ZSCAN25: variants seen among roughly 807,000 people sequenced by gnomAD.
ZSCAN25 encodes the protein zinc finger and SCAN domain containing 25.
Under a neutral mutation model 38.7 loss-of-function variants are expected in ZSCAN25, and 27 were observed. The ratio of observed to expected loss-of-function variants is 0.70; its 90% CI spans 0.51 to 0.96. The LOEUF (loss-of-function observed/expected upper bound fraction) is 0.96. Among genes scored for constraint, ZSCAN25 ranks in the 40% least tolerant of loss-of-function variants. The pLI is 0.00. For missense variants in ZSCAN25, 637 were observed against 705.9 expected (o/e 0.90, Z 1.11); for synonymous variants, 273 against 277.7 (o/e 0.98, Z 0.17).
the ZSCAN25 span, chr7:99,659,696 ACCT>A: frequency 2.6e-5 from 4 of 152,198 alleles, no homozygotes; most frequent in Non-Finnish European, 4.4e-5. Context: ...AGGCAGGCAG[ACCT>A]CCTTGAGCTG....
chr7:99,621,676 G>A (rs1443233434), intron 5 of ZSCAN25, 102 bp downstream of exon 5: 15 of 1,006,294 alleles, frequency 1.5e-5, no homozygotes, highest in Middle Eastern at 7.2e-4. Context: ...AGTTACCCAC[G>A]AGGTGTAATT....
At position 99,616,996 on chromosome 7, in the gene ZSCAN25, G is replaced by A. The variant is rs373468097; in HGVS notation, c.-279G>A. The A allele has an allele frequency of 5.3e-5, 8 of 152,374 alleles. No individual in the cohort carries two copies. The East Asian group carries it at 1.2e-3, about 22-fold the overall frequency. 9.4% of individuals were successfully genotyped at this position (152,374 alleles called of 1,614,324 possible). On this transcript the variant is annotated 5_prime_UTR_variant, in exon 1 of 8. Transcript: ENST00000394152. ...GCACTGGCGACCCTAGCGGGTGAGA[G>A]GCCCTTCAGGGCCGCGGCGGGTGAG...
chr7:99,723,889 G>GTTCCC, the ZSCAN25 span, among the ~76,000 whole-genome samples: 1 of 152,154 alleles, frequency 6.6e-6, no homozygotes, highest in Non-Finnish European at 1.5e-5. Flanking sequence ...GTCTTCCCTT[G>GTTCCC]GTGTCTAAAT....
At position 99,619,518 on chromosome 7, in the gene ZSCAN25, A is replaced by G; in HGVS notation, c.-46-43A>G. 7 of 1,427,762 alleles carry G rather than the reference A, an allele frequency of 4.9e-6. No individual in the cohort carries two copies. In the East Asian group the frequency reaches 1.1e-4, roughly 23 times the overall value. The allele number at this position is 1,427,762 out of a possible 1,614,324, so 88.4% of individuals were successfully genotyped here. A position where few individuals can be genotyped will look rare whatever the true frequency, so the allele number is the denominator to read the frequency against. ...GAATATTCCTTGATGTAGAGACAGA[A>G]CTGGGATGGGCTGACCTTTCATGTG... On this transcript the variant is annotated intron_variant, in intron 3 of 7. Coordinates refer to ENST00000394152, the MANE Select transcript of ZSCAN25 (RefSeq NM_145115.3).
chr7:99,636,030 G>C (rs189972302), downstream of ZSCAN25, among the ~76,000 whole-genome samples: 835 of 126,098 alleles, frequency 6.6e-3, 6 homozygotes, highest in African/African-American at 0.024. Context: ...CTGGGCAACA[G>C]AGCGAGACTC....
rs769859623 is a variant in ZSCAN25 at position 99,621,412 on chromosome 7, C to G, written c.427C>G (p.Leu143Val). Reference protein sequence around the residue: ...HRQGEQEETALCRGAWEPGIQ... With the variant: ...HRQGEQEETAVCRGAWEPGIQ... The stretch of plus-strand genomic sequence containing the variant: ...GCAGGGAGAGCAGGAGGAAACAGCA[C>G]TTTGCAGAGGCGCTTGGGAGCCAGG... The change falls in exon 5 of 8, where the codon CTT becomes GTT. Residue 143 changes from leucine to valine, a missense_variant. Transcript: ENST00000394152. The G allele has an allele frequency of 2.7e-6, 4 of 1,508,934 alleles. No homozygotes were observed. Among genetic ancestry groups the G allele is most frequent in the Non-Finnish European group, 3.6e-6 (4 of 1,120,002 alleles). 93.5% of individuals were successfully genotyped at this position (1,508,934 alleles called of 1,614,324 possible).
At chr7:99,660,245 T>TTTTTTTA in the ZSCAN25 span, 4 of 738,730 alleles carry the variant, frequency 5.4e-6, no homozygotes, top group Non-Finnish European at 6.5e-6. Context: ...TTTTTTTTTT[T>TTTTTTTA]ACTTAGCATT....
At chr7:99,721,791 A>G in the ZSCAN25 span, among the ~76,000 whole-genome samples, 1 of 152,130 alleles carries the variant, frequency 6.6e-6, no homozygotes, top group South Asian at 2.1e-4. Context: ...GTGTGATTAA[A>G]AACCTTGACA....
the ZSCAN25 span, among the ~76,000 whole-genome samples, chr7:99,704,595 A>G: frequency 6.6e-6 from 1 of 152,098 alleles, no homozygotes; most frequent in Non-Finnish European, 1.5e-5. Flanking sequence ...CTCATCAAAA[A>G]TGTCATAATT....
chr7:99,634,814 A>G (rs1414017961), downstream of ZSCAN25, among the ~76,000 whole-genome samples: 2 of 149,280 alleles, frequency 1.3e-5, no homozygotes, highest in Non-Finnish European at 3.0e-5. Flanking sequence ...AAACAAAACA[A>G]AATTAGCCAA....
At chr7:99,663,243 T>C in the ZSCAN25 span, 1 of 1,051,300 alleles carries the variant, frequency 9.5e-7, no homozygotes, top group Non-Finnish European at 1.1e-6. Flanking sequence ...TCTTCTACCT[T>C]TTTCTTCAGC....
At chr7:99,642,348 T>C in the ZSCAN25 span, among the ~76,000 whole-genome samples, 1 of 152,340 alleles carries the variant, frequency 6.6e-6, no homozygotes, top group African/African-American at 2.4e-5. Context: ...GCTGCAATGC[T>C]GGGAGGAACC....
intron 7 of ZSCAN25, among the ~76,000 whole-genome samples, chr7:99,628,202 A>G (rs569107737): frequency 1.3e-5 from 2 of 152,234 alleles, no homozygotes; most frequent in East Asian, 3.8e-4. Context: ...TTTTATTTTC[A>G]TGAAAAGTTT....
chr7:99,672,657 C>T, the ZSCAN25 span: 1 of 1,614,102 alleles, frequency 6.2e-7, no homozygotes, highest in Non-Finnish European at 8.5e-7. Flanking sequence ...ATGGCCAGCA[C>T]AGGGAGTTGA....
Position 99,629,453 on chromosome 7 carries a change from A to T in ZSCAN25, c.1068A>T (p.Gly356=), listed in dbSNP as rs1205575261. 1 of 1,614,188 alleles carries T rather than the reference A, an allele frequency of 6.2e-7. No individual in the cohort carries two copies. The highest frequency in any genetic ancestry group is 2.2e-5 in the East Asian group (1 of 44,872). The part of the protein sequence containing the change: ...KPFQCPECGK[G]FSRSSNLVRH... ...TCCAGTGCCCTGAGTGTGGGAAAGGATTCAGTCGGAGCTCCAATCTCGTCA... is the reference window on the plus strand; with the variant it reads ...TCCAGTGCCCTGAGTGTGGGAAAGGTTTCAGTCGGAGCTCCAATCTCGTCA... Residue 356 remains glycine, a synonymous_variant, in exon 8 of 8, where the codon GGA becomes GGT. Coordinates refer to ENST00000394152, the MANE Select transcript of ZSCAN25 (RefSeq NM_145115.3). The surrounding 1 kb of genome is among the most constrained non-coding windows in gnomAD (Gnocchi z 5.6).
chr7:99,715,675 A>C, the ZSCAN25 span: 5 of 1,602,584 alleles, frequency 3.1e-6, no homozygotes, highest in Admixed American at 6.7e-5. Context: ...TTTTAAGTGG[A>C]TGAATTACAT....
the ZSCAN25 span, chr7:99,695,798 A>T: frequency 6.2e-7 from 1 of 1,613,814 alleles, no homozygotes. Flanking sequence ...GGGCCCTGGA[A>T]TGCCAAGCTT....
chr7:99,721,955 G>C, the ZSCAN25 span, among the ~76,000 whole-genome samples: 1 of 152,156 alleles, frequency 6.6e-6, no homozygotes, highest in East Asian at 1.9e-4. Flanking sequence ...CCCAGCAACT[G>C]CCTGTCCAAC....
the ZSCAN25 span, chr7:99,666,596 C>T: frequency 6.2e-7 from 1 of 1,613,492 alleles, no homozygotes; most frequent in East Asian, 2.2e-5. Context: ...TGTGCTCCTA[C>T]TTACTCTTTC....
Sources: gnomAD v4.1 joint callset for allele counts (sites outside exome capture counted in the v4.1 genomes callset) on GRCh38, gnomAD v4.1.1 for gene constraint, Gnocchi (gnomAD v3.1) non-coding constraint, MANE v1.5 for transcripts, NCBI Gene and HGNC (gene_info 2026-07-23, HGNC 2026-07-21) for gene names.